Variants in FKBP5 observed in about 807,000 individuals in gnomAD.
FKBP5 encodes the protein peptidyl-prolyl cis-trans isomerase FKBP5.
In FKBP5, 23 loss-of-function variants were observed where a neutral mutation model predicts 50.5. The observed-to-expected ratio is 0.46, with a 90% CI of 0.33 to 0.65. FKBP5 has a LOEUF of 0.65. Among genes scored for constraint, FKBP5 ranks in the 30% least tolerant of loss-of-function variants. The pLI, the probability that FKBP5 is intolerant of heterozygous loss-of-function variation, is 0.02. For missense variants in FKBP5, 411 were observed against 553.1 expected (o/e 0.74, Z 2.58); for synonymous variants, 176 against 190.6 (o/e 0.92, Z 0.63).
upstream of FKBP5, among the ~76,000 whole-genome samples, chr6:35,690,007 C>T (rs1392858448): frequency 6.6e-6 from 1 of 152,154 alleles, no homozygotes. Flanking sequence ...ACCTGATGTC[C>T]CATAGCTAGT....
intron 8 of FKBP5, chr6:35,584,609 C>T (rs1762544854): frequency 1.0e-6 from 1 of 985,420 alleles, no homozygotes. Context: ...AGTTTTACAG[C>T]TAACGCTAGG....
chr6:35,617,477 C>T (rs1178646512), intron 5 of FKBP5, among the ~76,000 whole-genome samples: 2 of 152,180 alleles, frequency 1.3e-5, no homozygotes, highest in Non-Finnish European at 1.5e-5. Flanking sequence ...TACAGGTGCA[C>T]ACCATTACAC....
chr6:35,696,680 T>C (rs1331011621), intron 2 of FKBP5, among the ~76,000 whole-genome samples: 3 of 152,208 alleles, frequency 2.0e-5, no homozygotes, highest in East Asian at 3.8e-4. Context: ...GAGATGACTA[T>C]TTTATAGAAA....
At chr6:35,698,633 A>G (rs1766126133) in intron 2 of FKBP5, among the ~76,000 whole-genome samples, 1 of 151,994 alleles carries the variant, frequency 6.6e-6, no homozygotes, top group African/African-American at 2.4e-5. Context: ...AGAGAGTAAG[A>G]CTCCATCTCA....
intron 8 of FKBP5, chr6:35,586,833 A>C: frequency 7.0e-7 from 1 of 1,438,436 alleles, no homozygotes; most frequent in South Asian, 1.5e-5. Context: ...GAATGTGTAA[A>C]AGAGGAATCT....
chr6:35,586,945 C>T (rs752578223), intron 8 of FKBP5, 89 bp downstream of exon 8: 2 of 1,582,076 alleles, frequency 1.3e-6, no homozygotes, highest in South Asian at 1.1e-5. Flanking sequence ...GCAGTGTTGA[C>T]AAAATTCAGA....
At chr6:35,582,992 C>T (rs1762483377) in intron 8 of FKBP5, 2 of 859,714 alleles carry the variant, frequency 2.3e-6, no homozygotes, top group East Asian at 1.2e-4. Context: ...GAAGCTGAGG[C>T]AGGAGGATCT....
chr6:35,629,786 A>C (rs912246996), intron 3 of FKBP5, among the ~76,000 whole-genome samples: 1 of 152,216 alleles, frequency 6.6e-6, no homozygotes, highest in Non-Finnish European at 1.5e-5. Flanking sequence ...TCAGCAGTGG[A>C]AATTGGAAGC....
Position 35,587,190 on chromosome 6 carries a change from A to T in FKBP5, c.757-73T>A, listed in dbSNP as rs868529606. The T allele has an allele frequency of 1.6e-5, 22 of 1,338,534 alleles. No homozygotes were observed. In the Middle Eastern group the frequency reaches 3.5e-3, roughly 213 times the overall value. The allele number at this position is 1,338,534 out of a possible 1,614,324, so 82.9% of individuals were successfully genotyped here. ...TCAGTTGAGGCCTATTGGAACAAAG[A>T]GCAGCTAATTCTAGAAGATACTCCA... On this transcript the variant is annotated intron_variant, in intron 7 of 10. Coordinates refer to ENST00000357266, the MANE Select transcript of FKBP5 (RefSeq NM_004117.4).
intron 1 of FKBP5, among the ~76,000 whole-genome samples, chr6:35,721,808 G>T (rs1031737493): frequency 1.3e-5 from 2 of 152,234 alleles, no homozygotes; most frequent in Non-Finnish European, 2.9e-5. Context: ...TTTTGACCAA[G>T]AAACTAACCT....
rs150930349 is a variant in FKBP5 at position 35,677,467 on chromosome 6, C to A, written c.-20+11337G>T. 7.2e-5 allele frequency among the ~76,000 whole-genome samples: 11 copies of A among 152,334 alleles called. No individual in the cohort carries two copies. The East Asian group carries it at 2.1e-3, about 29-fold the overall frequency. On this transcript the variant is annotated intron_variant, in intron 1 of 10. Coordinates refer to ENST00000357266, the MANE Select transcript of FKBP5 (RefSeq NM_004117.4). ...CTTCAAATAAACCCAAAGAAAAGAC[C>A]TGTACTTTCTCCCATGAAAACACTA...
intron 9 of FKBP5, among the ~76,000 whole-genome samples, chr6:35,579,009 A>C (rs1762329012): frequency 6.6e-6 from 1 of 151,950 alleles, no homozygotes; most frequent in Non-Finnish European, 1.5e-5. Context: ...CCAGCTACTC[A>C]GGAGGCTGAG....
chr6:35,638,053 G>C (rs1035674692), intron 2 of FKBP5, among the ~76,000 whole-genome samples: 7 of 151,998 alleles, frequency 4.6e-5, no homozygotes, highest in Non-Finnish European at 2.9e-5. Flanking sequence ...TGAATAACTT[G>C]TTTTCTAGTA....
In FKBP5 at chr6:35,589,130, T is replaced by TATA. The variant is rs1561846638; in HGVS notation, c.756+1999_756+2000insTAT. The stretch of plus-strand genomic sequence containing the variant: ...TATTTTTATATATATATATATATAT[T>TATA]TTTTTTTTTTTCCTCTGAGACGGAG... On this transcript the variant is annotated intron_variant, in intron 7 of 10. Coordinates refer to ENST00000357266, the MANE Select transcript of FKBP5 (RefSeq NM_004117.4). Among the ~76,000 whole-genome samples, 128 of 112,946 alleles carry TATA rather than the reference T, an allele frequency of 1.1e-3. No individual in the cohort carries two copies. In the Middle Eastern group the frequency reaches 0.013, roughly 12 times the overall value. 74.1% of individuals were successfully genotyped at this position (112,946 alleles called of 152,430 possible).
chr6:35,713,364 A>G (rs576491530), intron 2 of FKBP5, among the ~76,000 whole-genome samples: 43 of 152,332 alleles, frequency 2.8e-4, no homozygotes, highest in African/African-American at 9.9e-4. Flanking sequence ...CGTTGGCTCC[A>G]GTGACAATAT....
rs1766475006 is a variant in FKBP5, at chr6:35,714,370, T to C, written c.-20+5958A>G. Among the ~76,000 whole-genome samples the C allele has an allele frequency of 2.2e-5, 3 of 134,694 alleles. No individual in the cohort carries two copies. In the South Asian group the frequency reaches 7.3e-4, roughly 33 times the overall value. The allele number at this position is 134,694 out of a possible 152,430, so 88.4% of individuals were successfully genotyped here. ...AGGAGGCTGAGGCAGGAGAATTGCT[T>C]GAACCCAGGAGGCAGTGGTTGCAGT... On this transcript the variant is annotated intron_variant, in intron 2 of 11. Transcript: ENST00000536438.
At chr6:35,707,495 A>G (rs1328304870) in intron 2 of FKBP5, among the ~76,000 whole-genome samples, 3 of 152,074 alleles carry the variant, frequency 2.0e-5, no homozygotes, top group Non-Finnish European at 4.4e-5. Context: ...TGCTGGGATT[A>G]CAGGCGTGAG....
intron 3 of FKBP5, 102 bp from the exon 4 acceptor site, chr6:35,620,376 C>G: frequency 8.2e-7 from 1 of 1,220,058 alleles, no homozygotes; most frequent in Non-Finnish European, 1.2e-6. Flanking sequence ...ATACTACATA[C>G]TCAGCTAGAA....
intron 3 of FKBP5, among the ~76,000 whole-genome samples, chr6:35,633,359 A>G (rs1764218580): frequency 6.6e-6 from 1 of 152,098 alleles, no homozygotes; most frequent in South Asian, 2.1e-4. Flanking sequence ...CCTGGGCAAC[A>G]TGGTGAAACC....
Sources: gnomAD v4.1 joint callset for allele counts (sites outside exome capture counted in the v4.1 genomes callset) on GRCh38, gnomAD v4.1.1 for gene constraint, MANE v1.5 for transcripts, NCBI Gene and HGNC (gene_info 2026-07-23, HGNC 2026-07-21) for gene names.